The following TFCP2 variants were observed in gnomAD, a reference collection of about 807,000 sequenced individuals.
The protein encoded by TFCP2 is transcription factor CP2.
A neutral mutation model predicts 73.4 loss-of-function variants in TFCP2; 33 were observed. The ratio of observed to expected loss-of-function variants is 0.45; its 90% confidence interval spans 0.34 to 0.60. The LOEUF (loss-of-function observed/expected upper bound fraction) is 0.60, where lower values mean the gene tolerates loss of function less well. Among genes scored for constraint, TFCP2 ranks in the 20% least tolerant of loss-of-function variants. The pLI is 0.01. For synonymous variants in TFCP2, 193 were observed against 211.6 expected, an observed-to-expected ratio of 0.91 and a Z score of 0.76; for missense variants, 352 against 604.0, an observed-to-expected ratio of 0.58 and a Z score of 4.37.
chr12:51,122,727 T>C (rs1039246735), intron 1 of TFCP2, among the ~76,000 whole-genome samples: 1 of 152,202 alleles, frequency 6.6e-6, no homozygotes, highest in African/African-American at 2.4e-5. Context: ...TATTGTTCCC[T>C]TCAGACTATT....
At chr12:51,120,636 T>TA (rs1242061370) in intron 1 of TFCP2, among the ~76,000 whole-genome samples, 1 of 151,664 alleles carries the variant, frequency 6.6e-6, no homozygotes. Context: ...GAAGTAAAAA[T>TA]AATAAAAGAG....
chr12:51,117,482 G>A (rs1307106716), intron 3 of TFCP2, among the ~76,000 whole-genome samples, 189 bp downstream of exon 3: 2 of 152,230 alleles, frequency 1.3e-5, no homozygotes, highest in East Asian at 1.9e-4. Flanking sequence ...AAATTCATGT[G>A]AATACTGGGG....
chr12:51,103,011 C>T (rs566179284), intron 10 of TFCP2, among the ~76,000 whole-genome samples: 1 of 151,546 alleles, frequency 6.6e-6, no homozygotes, highest in South Asian at 2.1e-4. Context: ...GGCCAGATGC[C>T]GCAGCTCATA....
intron 3 of TFCP2, 73 bp from the exon 4 acceptor site, chr12:51,116,493 G>A: frequency 2.7e-6 from 2 of 736,558 alleles, no homozygotes; most frequent in Non-Finnish European, 4.3e-6. Context: ...AAAACTAGCA[G>A]GATTCACTGC....
At chr12:51,127,428 CAGAATT>C (rs1231756475) in intron 1 of TFCP2, among the ~76,000 whole-genome samples, 2 of 152,172 alleles carry the variant, frequency 1.3e-5, no homozygotes, top group Non-Finnish European at 2.9e-5. Flanking sequence ...CCAATCAACT[CAGAATT>C]AGACAGACAT....
At chr12:51,153,395 A>C (rs1315474239) in intron 1 of TFCP2, among the ~76,000 whole-genome samples, 1 of 25,404 alleles carries the variant, frequency 3.9e-5, no homozygotes, top group Non-Finnish European at 8.1e-5. Context: ...GTTATCATTT[A>C]ACCTTTTTTT....
rs187531638 is a variant in TFCP2, at chr12:51,168,279, C to T, written c.122+4022G>A. 6.6e-5 allele frequency among the ~76,000 whole-genome samples: 10 copies of T among 152,018 alleles called. No homozygotes were observed. The East Asian group carries it at 1.9e-3, about 30-fold the overall frequency. ...GACATGGTATCTCATGACTGTACCCCCAGGTGCACTCCAGCCTAGGGGACA... is the reference window on the plus strand; with the variant it reads ...GACATGGTATCTCATGACTGTACCCTCAGGTGCACTCCAGCCTAGGGGACA... On this transcript the variant is annotated intron_variant, in intron 1 of 14. Coordinates refer to ENST00000257915, the MANE Select transcript of TFCP2 (RefSeq NM_005653.5).
At chr12:51,159,011 A>C (rs868504069) in intron 1 of TFCP2, among the ~76,000 whole-genome samples, 17,827 of 135,046 alleles carry the variant, frequency 0.13, 1,979 homozygotes, top group South Asian at 0.22. Flanking sequence ...AAAATCCAAA[A>C]AAAAAAAAAA....
intron 1 of TFCP2, among the ~76,000 whole-genome samples, chr12:51,137,138 G>A (rs1324948103): frequency 2.6e-5 from 4 of 152,058 alleles, no homozygotes; most frequent in Admixed American, 2.0e-4. Flanking sequence ...TCTTCAGCAC[G>A]ATTATGAGAT....
At chr12:51,157,323 A>C (rs1255907840) in intron 1 of TFCP2, among the ~76,000 whole-genome samples, 1 of 152,040 alleles carries the variant, frequency 6.6e-6, no homozygotes, top group Non-Finnish European at 1.5e-5. Flanking sequence ...TGCCCGGCCC[A>C]TGATCTCTCT....
intron 1 of TFCP2, among the ~76,000 whole-genome samples, chr12:51,126,232 CAAAAAAAAAA>C (rs371407608): frequency 1.1e-5 from 1 of 87,766 alleles, no homozygotes; most frequent in East Asian, 3.4e-4. Flanking sequence ...GACTCTGTCT[CAAAAAAAAAA>C]AAAAAAAAAG....
chr12:51,140,439 CTTTTTCTTT>C (rs1941164528), intron 1 of TFCP2, among the ~76,000 whole-genome samples: 1 of 98,314 alleles, frequency 1.0e-5, no homozygotes. Flanking sequence ...TCTTTCTTTT[CTTTTTCTTT>C]TTTTTTTTTT....
chr12:51,108,699 A>G (rs1386658451), intron 6 of TFCP2, among the ~76,000 whole-genome samples: 1 of 151,910 alleles, frequency 6.6e-6, no homozygotes, highest in African/African-American at 2.4e-5. Flanking sequence ...AATTGAGCCC[A>G]GGAGGTTAAA....
chr12:51,139,290 C>T (rs1056390162), intron 1 of TFCP2, among the ~76,000 whole-genome samples: 2 of 152,140 alleles, frequency 1.3e-5, no homozygotes, highest in Non-Finnish European at 2.9e-5. Flanking sequence ...TTCAACATGG[C>T]TCCCAAAACT....
intron 1 of TFCP2, among the ~76,000 whole-genome samples, chr12:51,148,512 C>T (rs546835878): frequency 2.6e-5 from 4 of 151,580 alleles, no homozygotes; most frequent in African/African-American, 7.3e-5. Context: ...CCAGCCTAGC[C>T]AATATGGTGA....
intron 4 of TFCP2, among the ~76,000 whole-genome samples, chr12:51,112,447 A>T (rs571826714): frequency 1.3e-5 from 2 of 152,364 alleles, no homozygotes; most frequent in African/African-American, 2.4e-5. Flanking sequence ...TTTCAACTAC[A>T]GTTTGAAAAT....
At chr12:51,151,506 G>A (rs146475422) in intron 1 of TFCP2, among the ~76,000 whole-genome samples, 2,081 of 152,144 alleles carry the variant, frequency 0.014, 50 homozygotes, top group African/African-American at 0.047. Context: ...GCGCGATCTC[G>A]GCTCACTGCA....
chr12:51,094,988 A>G lies in TFCP2; in HGVS notation c.*253T>C. The G allele has an allele frequency of 3.9e-6, 2 of 511,720 alleles. No individual in the cohort carries two copies. Among genetic ancestry groups the G allele is most frequent in the Non-Finnish European group, 3.5e-6 (1 of 285,158 alleles). The allele number at this position is 511,720 out of a possible 1,614,324, so 31.7% of individuals were successfully genotyped here. ...TTATGTAGAGTTTCTACTGATATTT[A>G]ACAACAACAAGGTCCAGAAATTTAA... On this transcript the variant is annotated 3_prime_UTR_variant, in exon 15 of 15. Transcript: ENST00000257915.
chr12:51,098,052 G>A (rs758322658), intron 13 of TFCP2, among the ~76,000 whole-genome samples: 7 of 151,462 alleles, frequency 4.6e-5, no homozygotes, highest in Non-Finnish European at 7.4e-5. Flanking sequence ...ATTCACCGGG[G>A]GAAGTAAATG....
Sources: gnomAD v4.1 joint callset for allele counts (sites outside exome capture counted in the v4.1 genomes callset) on GRCh38, gnomAD v4.1.1 for gene constraint, MANE v1.5 for transcripts, NCBI Gene and HGNC (gene_info 2026-07-23, HGNC 2026-07-21) for gene names.